The following ATRNL1 variants were observed in gnomAD, a reference collection of about 807,000 sequenced individuals.
The protein encoded by ATRNL1 is attractin like 1, also known as attractin-like protein 1.
A neutral mutation model predicts 182.7 loss-of-function variants in ATRNL1; 95 were observed. The ratio of observed to expected loss-of-function variants is 0.52; its 90% confidence interval spans 0.44 to 0.62. The LOEUF (loss-of-function observed/expected upper bound fraction) is 0.62, where lower values mean the gene tolerates loss of function less well. Ranked by LOEUF, ATRNL1 falls within the 20% of genes least tolerant of loss-of-function variation. The pLI, the probability that ATRNL1 is intolerant of heterozygous loss-of-function variation, is 0.00. For missense variants in ATRNL1, 1,471 were observed against 1,679.5 expected, an observed-to-expected ratio of 0.88 and a Z score of 2.17; for synonymous variants, 576 against 568.3, an observed-to-expected ratio of 1.01 and a Z score of -0.19.
intron 10 of ATRNL1, among the ~76,000 whole-genome samples, chr10:115,254,391 G>T (rs1851022970): frequency 6.6e-6 from 1 of 152,206 alleles, no homozygotes; most frequent in Admixed American, 6.5e-5. Flanking sequence ...GACCAGTGAT[G>T]ATGAGCATTT....
At chr10:115,827,969 A>G (rs1439944041) in intron 27 of ATRNL1, among the ~76,000 whole-genome samples, 2 of 152,054 alleles carry the variant, frequency 1.3e-5, no homozygotes, top group African/African-American at 2.4e-5. Flanking sequence ...AGCCGAGGGC[A>G]GATCCATTAA....
chr10:115,265,124 G>A (rs1554910118), intron 10 of ATRNL1, 69 bp from the exon 11 acceptor site: 3 of 1,033,718 alleles, frequency 2.9e-6, no homozygotes, highest in Non-Finnish European at 2.9e-6. Context: ...GGCCAATGAT[G>A]TTTTCATATT....
At chr10:115,366,169 C>A (rs1465295804) in intron 19 of ATRNL1, among the ~76,000 whole-genome samples, 1 of 152,108 alleles carries the variant, frequency 6.6e-6, no homozygotes, top group Non-Finnish European at 1.5e-5. Context: ...CTTTGTAGGT[C>A]ACTCAGGACT....
intron 26 of ATRNL1, among the ~76,000 whole-genome samples, chr10:115,706,309 A>G (rs531599193): frequency 6.6e-6 from 1 of 151,942 alleles, no homozygotes; most frequent in African/African-American, 2.4e-5. Context: ...CTCTAGTTAA[A>G]TCTCCCTATA....
At chr10:115,351,597 G>C (rs1554941338) in intron 19 of ATRNL1, among the ~76,000 whole-genome samples, 1 of 151,906 alleles carries the variant, frequency 6.6e-6, no homozygotes, top group African/African-American at 2.4e-5. Context: ...TTTGTATGTT[G>C]AACTATCTTG....
At chr10:115,236,122 T>C (rs1850168671) in intron 9 of ATRNL1, among the ~76,000 whole-genome samples, 1 of 152,202 alleles carries the variant, frequency 6.6e-6, no homozygotes, top group African/African-American at 2.4e-5. Context: ...TCATTCTTTG[T>C]GCACTCCTTT....
intron 28 of ATRNL1, among the ~76,000 whole-genome samples, chr10:115,872,111 G>A (rs1166737620): frequency 6.6e-6 from 1 of 152,158 alleles, no homozygotes; most frequent in Non-Finnish European, 1.5e-5. Context: ...TATCATCTAT[G>A]GTTAAATCCA....
At chr10:115,868,891 G>A (rs4430418) in intron 28 of ATRNL1, among the ~76,000 whole-genome samples, 25,690 of 138,014 alleles carry the variant, frequency 0.19, 2,397 homozygotes, top group South Asian at 0.26. Context: ...GTGCAGTGGC[G>A]CGATCTCGGC....
intron 10 of ATRNL1, among the ~76,000 whole-genome samples, chr10:115,262,167 G>C (rs1443193900): frequency 6.0e-5 from 9 of 148,886 alleles, no homozygotes; most frequent in Non-Finnish European, 1.3e-4. Context: ...AAGATAGGGG[G>C]CAGTGGATTT....
At chr10:115,618,357 C>A (rs1050679274) in intron 26 of ATRNL1, among the ~76,000 whole-genome samples, 6 of 151,976 alleles carry the variant, frequency 3.9e-5, no homozygotes, top group Non-Finnish European at 8.8e-5. Context: ...ATGTCTTTAT[C>A]TTTTCCAAGA....
chr10:115,498,829 G>A (rs992573888), intron 24 of ATRNL1, among the ~76,000 whole-genome samples: 1 of 151,926 alleles, frequency 6.6e-6, no homozygotes, highest in African/African-American at 2.4e-5. Context: ...AGTAGAACAT[G>A]CTTTACTCTT....
At chr10:115,337,708 G>GT (rs1554937148) in intron 19 of ATRNL1, among the ~76,000 whole-genome samples, 2 of 152,114 alleles carry the variant, frequency 1.3e-5, no homozygotes, top group African/African-American at 4.8e-5. Context: ...TATCCATGTT[G>GT]TTGCAAATGA....
chr10:115,450,802 G>A (rs1847243429), intron 21 of ATRNL1, among the ~76,000 whole-genome samples: 1 of 152,136 alleles, frequency 6.6e-6, no homozygotes. Flanking sequence ...AACCCAAATA[G>A]AGCCTGAATA....
At chr10:115,639,058 AC>A (rs1555029297) in intron 26 of ATRNL1, among the ~76,000 whole-genome samples, 1 of 152,182 alleles carries the variant, frequency 6.6e-6, no homozygotes, top group Non-Finnish European at 1.5e-5. Context: ...ACAATTGAAC[AC>A]CAAAGAGGTT....
At chr10:115,215,386 A>G (rs186858227) in intron 8 of ATRNL1, among the ~76,000 whole-genome samples, 33 of 152,178 alleles carry the variant, frequency 2.2e-4, no homozygotes, top group Admixed American at 5.9e-4. Context: ...TTTGTTAAAA[A>G]TTTTTTTCAG....
At chr10:115,389,452 G>A (rs1554953642) in intron 19 of ATRNL1, among the ~76,000 whole-genome samples, 1 of 146,172 alleles carries the variant, frequency 6.8e-6, no homozygotes, top group Admixed American at 6.8e-5. Context: ...GGTGGAGGTT[G>A]CAGTGAGCCA....
intron 26 of ATRNL1, among the ~76,000 whole-genome samples, chr10:115,667,120 C>G (rs1555039893): frequency 6.6e-6 from 1 of 152,104 alleles, no homozygotes; most frequent in Non-Finnish European, 1.5e-5. Flanking sequence ...CTACCCTGCT[C>G]TCTGCCCCAG....
chr10:115,762,119 A>T (rs1555073771), intron 27 of ATRNL1, among the ~76,000 whole-genome samples: 2 of 152,200 alleles, frequency 1.3e-5, no homozygotes, highest in Admixed American at 1.3e-4. Context: ...CTCACACATG[A>T]ACTCTGGGGA....
intron 9 of ATRNL1, among the ~76,000 whole-genome samples, chr10:115,218,585 T>G (rs782581813): frequency 6.6e-6 from 1 of 152,222 alleles, no homozygotes; most frequent in South Asian, 2.1e-4. Flanking sequence ...TAGTTGTTCA[T>G]GCACCAGCTG....
Sources: gnomAD v4.1 joint callset for allele counts (sites outside exome capture counted in the v4.1 genomes callset) on GRCh38, gnomAD v4.1.1 for gene constraint, MANE v1.5 for transcripts, NCBI Gene and HGNC (gene_info 2026-07-23, HGNC 2026-07-21) for gene names.